FKTN: variants seen among roughly 807,000 people sequenced by gnomAD.
FKTN encodes fukutin, also known as ribitol-5-phosphate transferase FKTN.
In FKTN, 47 loss-of-function variants were observed where a neutral mutation model predicts 58.6. The ratio of observed to expected loss-of-function variants is 0.80; its 90% CI spans 0.63 to 1.02. The LOEUF (loss-of-function observed/expected upper bound fraction) is 1.02, where lower values mean the gene tolerates loss of function less well. Ranked by LOEUF, FKTN falls within the 50% of genes least tolerant of loss-of-function variation. The pLI, the probability that FKTN is intolerant of heterozygous loss-of-function variation, is 0.00. For missense variants in FKTN, 516 were observed against 537.3 expected (o/e 0.96, Z 0.39); for synonymous variants, 178 against 191.9 (o/e 0.93, Z 0.60).
rs1250764817 is a variant in FKTN, at chr9:105,640,079, T to C, written c.*4815T>C. ...CTCATTTCTACTTTCTGCCCTCAAA[T>C]TTCTGTTTCTATCTCAACTAGGCAA... On this transcript the variant is annotated 3_prime_UTR_variant, in exon 11 of 11. Transcript: ENST00000357998. 1.3e-6 allele frequency: 2 copies of C among 1,535,152 alleles called. No individual in the cohort carries two copies. Among genetic ancestry groups the C allele is most frequent in the Non-Finnish European group, 1.7e-6 (2 of 1,146,444 alleles).
At chr9:105,585,205 G>A (rs954009098) in intron 3 of FKTN, among the ~76,000 whole-genome samples, 11 of 152,074 alleles carry the variant, frequency 7.2e-5, no homozygotes, top group Admixed American at 2.0e-4. Context: ...CGAGAGGATC[G>A]CTTGAGCCCA....
intron 1 of FKTN, among the ~76,000 whole-genome samples, chr9:105,558,641 A>T (rs1174611808): frequency 2.0e-5 from 3 of 152,114 alleles, no homozygotes; most frequent in African/African-American, 7.2e-5. Flanking sequence ...ATGTGGAAAA[A>T]AAAAAAAAAG....
chr9:105,582,370 AT>A (rs549836239), intron 3 of FKTN, among the ~76,000 whole-genome samples: 3 of 152,056 alleles, frequency 2.0e-5, no homozygotes, highest in Non-Finnish European at 1.5e-5. Flanking sequence ...ATTAAAAAAA[AT>A]TTTTTGTAGA....
rs575069052 is a variant in FKTN, at chr9:105,598,142, C to T, written c.165+1485C>T. On this transcript the variant is annotated intron_variant, in intron 4 of 10. Coordinates refer to ENST00000357998, the MANE Select transcript of FKTN (RefSeq NM_001079802.2). Reference sequence around the variant, plus strand: ...ATTTTTTTCAAAGTCTTTACTTCCACGGTACGCAAGCAAAAAGTTGAAGAG... The same window carrying T: ...ATTTTTTTCAAAGTCTTTACTTCCATGGTACGCAAGCAAAAAGTTGAAGAG... The T allele has an allele frequency of 2.7e-4, 125 of 468,582 alleles. 2 individuals are homozygous for T. Among genetic ancestry groups the T allele is most frequent in the South Asian group, 1.9e-3 (120 of 64,056 alleles). The allele number at this position is 468,582 out of a possible 1,614,324, so 29.0% of individuals were successfully genotyped here.
intron 7 of FKTN, among the ~76,000 whole-genome samples, chr9:105,609,203 A>C (rs1829453918): frequency 6.6e-6 from 1 of 152,204 alleles, no homozygotes; most frequent in African/African-American, 2.4e-5. Flanking sequence ...TGATGGCGCC[A>C]AACAGTCTTA....
intron 8 of FKTN, among the ~76,000 whole-genome samples, chr9:105,616,975 A>G (rs920111793): frequency 6.6e-6 from 1 of 151,890 alleles, no homozygotes; most frequent in Non-Finnish European, 1.5e-5. Flanking sequence ...GTGTGTCATC[A>G]AAGACACTTC....
At chr9:105,619,621 AG>A (rs1831493346) in intron 9 of FKTN, among the ~76,000 whole-genome samples, 1 of 152,066 alleles carries the variant, frequency 6.6e-6, no homozygotes, top group African/African-American at 2.4e-5. Context: ...TTCCTTTTTT[AG>A]TCAGAAAGCT....
At chr9:105,619,768 C>T (rs573229695) in intron 9 of FKTN, 166 bp from the exon 10 acceptor site, 1 of 555,828 alleles carries the variant, frequency 1.8e-6, no homozygotes, top group South Asian at 2.1e-5. Context: ...ACTGATGCAT[C>T]CCAATTTCAG....
chr9:105,565,983 G>A (rs962550186), intron 1 of FKTN, among the ~76,000 whole-genome samples: 5 of 152,148 alleles, frequency 3.3e-5, no homozygotes, highest in Non-Finnish European at 4.4e-5. Context: ...CTAGAACTCA[G>A]GATTAAGAAA....
rs988842962 is a variant in FKTN, at chr9:105,604,412, G to C, written c.567G>C (p.Leu189Phe). 1.9e-6 allele frequency: 3 copies of C among 1,614,018 alleles called. No individual in the cohort carries two copies. The highest frequency in any genetic ancestry group is 1.3e-5 in the African/African-American group (1 of 75,032). The change falls in exon 6 of 11, where the codon TTG becomes TTC. Residue 189 changes from leucine (L) to phenylalanine (F), a missense_variant. Physicochemically the swap from Leu to Phe is conservative, Grantham distance 22. Transcript: ENST00000357998. Reference protein sequence around the residue: ...RSGNYLWHGHLRLKEHIDRKF... With the variant: ...RSGNYLWHGHFRLKEHIDRKF... ...GCAACTACCTCTGGCACGGCCACTT[G>C]AGACTTAAAGAACACATTGACAGGA...
In FKTN at chr9:105,600,608, G is replaced by A. The variant is rs372701761; in HGVS notation, c.166-537G>A. ...ATATATGGCAGTCATCAAGCAGGCA[G>A]TGTATTTTGGTCTGAGTCTTTTGCT... On this transcript the variant is annotated intron_variant, in intron 4 of 10. Transcript: ENST00000357998. Among the ~76,000 whole-genome samples the A allele has an allele frequency of 7.2e-5, 11 of 152,222 alleles. No homozygotes were observed. The East Asian group carries it at 1.2e-3, about 16-fold the overall frequency.
chr9:105,569,299 AT>A lies in FKTN; in HGVS notation c.-180-4355del, dbSNP rs561863538. Among the ~76,000 whole-genome samples, 690 of 152,346 alleles carry A rather than the reference AT, an allele frequency of 4.5e-3. 7 individuals are homozygous for A. The highest frequency in any genetic ancestry group is 0.02 in the Middle Eastern group (6 of 294). ...AGCTTAAAATATAATAATAAAAAAA[AT>A]AAGTAAATAAAAAAGAATATGCAGT... On this transcript the variant is annotated intron_variant, in intron 1 of 10. Transcript: ENST00000357998.
At chr9:105,599,695 G>A (rs1827513605) in intron 4 of FKTN, among the ~76,000 whole-genome samples, 1 of 151,864 alleles carries the variant, frequency 6.6e-6, no homozygotes, top group South Asian at 2.1e-4. Context: ...GTAGAGACAG[G>A]GTTTCACCAT....
Position 105,637,516 on chromosome 9 carries a change from C to A in FKTN, c.*2252C>A, listed in dbSNP as rs769424849. The A allele has an allele frequency of 1.6e-5, 16 of 985,312 alleles. No individual in the cohort carries two copies. Among genetic ancestry groups the A allele is most frequent in the Non-Finnish European group, 1.9e-5 (16 of 829,924 alleles). 61.0% of individuals were successfully genotyped at this position (985,312 alleles called of 1,614,324 possible). On this transcript the variant is annotated 3_prime_UTR_variant, in exon 11 of 11. Coordinates refer to ENST00000357998, the MANE Select transcript of FKTN (RefSeq NM_001079802.2). ...AGGCTTACCTCTGATTCTGATTCAT[C>A]CATACTTCATCTTATGTATTTTAAC...
chr9:105,633,801 T>C (rs1443750010), intron 10 of FKTN, among the ~76,000 whole-genome samples: 1 of 152,234 alleles, frequency 6.6e-6, no homozygotes, highest in Non-Finnish European at 1.5e-5. Context: ...AGGCAGAATA[T>C]ATGAGAACTG....
chr9:105,571,078 A>G (rs1840655228), intron 1 of FKTN, among the ~76,000 whole-genome samples: 1 of 152,158 alleles, frequency 6.6e-6, no homozygotes, highest in Admixed American at 6.6e-5. Context: ...GTGGTAGGGA[A>G]CTATTGAAAA....
At chr9:105,561,151 A>G (rs1450396588) in intron 1 of FKTN, among the ~76,000 whole-genome samples, 4 of 151,814 alleles carry the variant, frequency 2.6e-5, no homozygotes. Context: ...CATGCCTATA[A>G]TCATTCCAGG....
chr9:105,565,291 C>A (rs879160217), intron 1 of FKTN, among the ~76,000 whole-genome samples: 2 of 152,164 alleles, frequency 1.3e-5, no homozygotes, highest in Non-Finnish European at 2.9e-5. Flanking sequence ...CAAATTCACA[C>A]ATAACAATGT....
rs1834091876 is a variant in FKTN, at chr9:105,637,027, A to G, written c.*1763A>G. The G allele has an allele frequency of 2.0e-6, 2 of 994,886 alleles. No individual in the cohort carries two copies. Among genetic ancestry groups the G allele is most frequent in the Non-Finnish European group, 2.4e-6 (2 of 834,800 alleles). 61.6% of individuals were successfully genotyped at this position (994,886 alleles called of 1,614,324 possible). ...TGTCCCAAAATGGCACATCATCATA[A>G]TCCATTTTCTCTTTGCTAGAAAATC... On this transcript the variant is annotated 3_prime_UTR_variant, in exon 11 of 11. Coordinates refer to ENST00000357998, the MANE Select transcript of FKTN (RefSeq NM_001079802.2).
Sources: gnomAD v4.1 joint callset for allele counts (sites outside exome capture counted in the v4.1 genomes callset) on GRCh38, gnomAD v4.1.1 for gene constraint, MANE v1.5 for transcripts, NCBI Gene and HGNC (gene_info 2026-07-23, HGNC 2026-07-21) for gene names.